RAB27B: variants seen among roughly 807,000 people sequenced by gnomAD.
RAB27B encodes the protein ras-related protein Rab-27B.
RAB27B carries 15 observed loss-of-function variants against 24.6 expected under a neutral mutation model. The observed-to-expected ratio is 0.61, with a 90% CI of 0.41 to 0.94. RAB27B has a LOEUF of 0.94. Ranked by LOEUF, RAB27B falls within the 40% of genes least tolerant of loss-of-function variation. RAB27B has a pLI of 0.00. For missense variants in RAB27B, 261 were observed against 266.8 expected (o/e 0.98, Z 0.15); for synonymous variants, 105 against 92.5 (o/e 1.14, Z -0.78).
intron 2 of RAB27B, among the ~76,000 whole-genome samples, chr18:54,792,108 T>C (rs12454367): frequency 0.043 from 6,555 of 152,208 alleles, 206 homozygotes; most frequent in Admixed American, 0.083. Flanking sequence ...ATTGAGCTGG[T>C]TAACACAAGC....
At chr18:54,873,222 A>G (rs774517786) in intron 1 of RAB27B, among the ~76,000 whole-genome samples, 9 of 152,186 alleles carry the variant, frequency 5.9e-5, no homozygotes, top group Non-Finnish European at 8.8e-5. Context: ...ATTCCTTTTT[A>G]CCTTTACGAC....
chr18:54,776,813 C>G (rs534039020), intron 2 of RAB27B, among the ~76,000 whole-genome samples: 162 of 152,296 alleles, frequency 1.1e-3, no homozygotes, highest in African/African-American at 3.6e-3. Context: ...AATCCCAGCA[C>G]TTTGGGAGGC....
At chr18:54,889,186 C>A (rs1201387449) in intron 5 of RAB27B, 38 bp from the exon 6 acceptor site, 1 of 1,563,122 alleles carries the variant, frequency 6.4e-7, no homozygotes, top group Non-Finnish European at 8.7e-7. Context: ...GTTCTGATTT[C>A]TTCCTCTCAA....
intron 1 of RAB27B, among the ~76,000 whole-genome samples, chr18:54,850,356 A>ATATATATATATG (rs1304515980): frequency 1.8e-4 from 25 of 139,226 alleles, no homozygotes; most frequent in African/African-American, 6.7e-4. Flanking sequence ...ATATATATAT[A>ATATATATATATG]TATACATACA....
intron 2 of RAB27B, among the ~76,000 whole-genome samples, chr18:54,809,349 A>G (rs1909892576): frequency 6.6e-6 from 1 of 152,156 alleles, no homozygotes; most frequent in Non-Finnish European, 1.5e-5. Context: ...TGCACTGAAG[A>G]GCTGCTACCC....
intron 3 of RAB27B, among the ~76,000 whole-genome samples, chr18:54,881,544 T>G (rs560039817): frequency 2.0e-5 from 3 of 152,234 alleles, no homozygotes; most frequent in Non-Finnish European, 4.4e-5. Context: ...AGAGGGAGTT[T>G]CAGTGTTTCA....
intron 3 of RAB27B, among the ~76,000 whole-genome samples, chr18:54,883,994 C>G (rs1276156589): frequency 2.0e-5 from 3 of 152,166 alleles, no homozygotes; most frequent in Non-Finnish European, 4.4e-5. Flanking sequence ...AGTCCCCACT[C>G]TAAAGTGCTT....
At chr18:54,859,760 C>CT (rs1911939016) in intron 1 of RAB27B, among the ~76,000 whole-genome samples, 1 of 152,164 alleles carries the variant, frequency 6.6e-6, no homozygotes, top group Admixed American at 6.5e-5. Flanking sequence ...TCGGAAAACA[C>CT]TAGGTGAGTT....
At chr18:54,849,048 G>GT (rs1484360344) in intron 1 of RAB27B, among the ~76,000 whole-genome samples, 3 of 152,176 alleles carry the variant, frequency 2.0e-5, no homozygotes, top group Non-Finnish European at 4.4e-5. Flanking sequence ...CATTTTAGAT[G>GT]TTGAGTCCTG....
At chr18:54,872,423 C>T (rs560191266) in intron 1 of RAB27B, among the ~76,000 whole-genome samples, 2 of 151,832 alleles carry the variant, frequency 1.3e-5, no homozygotes, top group Admixed American at 6.5e-5. Context: ...GTTGGGAGTT[C>T]GAGACCAGCC....
chr18:54,806,115 T>C (rs1031316272), intron 2 of RAB27B, among the ~76,000 whole-genome samples: 4 of 152,190 alleles, frequency 2.6e-5, no homozygotes, highest in African/African-American at 9.7e-5. Flanking sequence ...ATATAAAACA[T>C]TGTGCTAGTG....
intron 2 of RAB27B, among the ~76,000 whole-genome samples, chr18:54,724,017 G>T (rs566684326): frequency 7.0e-6 from 1 of 143,850 alleles, no homozygotes; most frequent in Non-Finnish European, 1.6e-5. Flanking sequence ...CAAAATGTGT[G>T]CTCTTTAGGG....
chr18:54,728,722 AG>A (rs1483985746), intron 2 of RAB27B, among the ~76,000 whole-genome samples: 1 of 151,790 alleles, frequency 6.6e-6, no homozygotes, highest in African/African-American at 2.4e-5. Flanking sequence ...CAAAAATACA[AG>A]AAGTTAGCCA....
intron 2 of RAB27B, among the ~76,000 whole-genome samples, chr18:54,796,854 C>A (rs1254364772): frequency 6.6e-6 from 1 of 152,152 alleles, no homozygotes; most frequent in Non-Finnish European, 1.5e-5. Context: ...CTCTACCCAG[C>A]ACTTCCCTGA....
chr18:54,879,388 C>T lies in RAB27B; in HGVS notation c.173C>T (p.Pro58Leu), dbSNP rs529722142. ...EKRVVYNAQG[P>L]NGSSGKAFKV... The stretch of plus-strand genomic sequence containing the variant: ...TTTCAGGTTTATAATGCACAAGGAC[C>T]GAATGGATCTTCAGGGAAAGCATTT... The change falls in exon 3 of 6, where the codon CCG becomes CTG. Residue 58 changes from proline (P) to leucine (L), a missense_variant. Coordinates refer to ENST00000262094, the MANE Select transcript of RAB27B (RefSeq NM_004163.4). 9.9e-6 allele frequency: 16 copies of T among 1,612,394 alleles called. No homozygotes were observed. Among genetic ancestry groups the T allele is most frequent in the Admixed American group, 3.3e-5 (2 of 60,004 alleles).
chr18:54,807,931 A>G (rs7243785), intron 2 of RAB27B, among the ~76,000 whole-genome samples: 34,664 of 152,044 alleles, frequency 0.23, 4,213 homozygotes, highest in East Asian at 0.4. Flanking sequence ...GTAGGAATCC[A>G]TATTACTTGG....
intron 2 of RAB27B, among the ~76,000 whole-genome samples, chr18:54,734,495 A>G (rs893643486): frequency 1.3e-5 from 2 of 152,172 alleles, no homozygotes; most frequent in African/African-American, 4.8e-5. Flanking sequence ...AATTTATTAC[A>G]ATAACCAATA....
chr18:54,751,316 G>A (rs1183921680), intron 2 of RAB27B, among the ~76,000 whole-genome samples: 1 of 152,102 alleles, frequency 6.6e-6, no homozygotes, highest in African/African-American at 2.4e-5. Context: ...AGTCAAGAAA[G>A]ACACCCCAAG....
chr18:54,867,082 C>A (rs1027275811), intron 1 of RAB27B, among the ~76,000 whole-genome samples: 1 of 152,134 alleles, frequency 6.6e-6, no homozygotes, highest in Non-Finnish European at 1.5e-5. Flanking sequence ...TGAACAGTCT[C>A]TTTAAAGGAA....
Sources: gnomAD v4.1 joint callset for allele counts (sites outside exome capture counted in the v4.1 genomes callset) on GRCh38, gnomAD v4.1.1 for gene constraint, MANE v1.5 for transcripts, NCBI Gene and HGNC (gene_info 2026-07-23, HGNC 2026-07-21) for gene names.